MACO1: variants seen among roughly 807,000 people sequenced by gnomAD.
MACO1 encodes macoilin 1.
Under a neutral mutation model 78.7 loss-of-function variants are expected in MACO1, and 14 were observed. The observed-to-expected ratio is 0.18, with a 90% CI of 0.12 to 0.28. The LOEUF is 0.28. MACO1 is among the 10% of genes least tolerant of loss of function. The pLI, the probability that MACO1 is intolerant of heterozygous loss-of-function variation, is 1.00. For synonymous variants in MACO1, 288 were observed against 291.6 expected (o/e 0.99, Z 0.12); for missense variants, 501 against 799.0 (o/e 0.63, Z 4.50).
At chr1:25,461,085 A>G (rs1381564739) in intron 6 of MACO1, among the ~76,000 whole-genome samples, 3 of 151,996 alleles carry the variant, frequency 2.0e-5, no homozygotes, top group African/African-American at 7.2e-5. Flanking sequence ...ACTGGAAACC[A>G]TCATTCTCAG....
At chr1:25,497,893 C>T (rs754345404) in intron 10 of MACO1, among the ~76,000 whole-genome samples, 1 of 152,206 alleles carries the variant, frequency 6.6e-6, no homozygotes, top group Non-Finnish European at 1.5e-5. Context: ...TGGAAACTGA[C>T]TTCTTTACAT....
chr1:25,436,755 C>T (rs1448814412), intron 1 of MACO1, among the ~76,000 whole-genome samples: 4 of 152,106 alleles, frequency 2.6e-5, no homozygotes, highest in Admixed American at 6.5e-5. Context: ...GACATTTAAC[C>T]GACATCAAAT....
chr1:25,484,894 G>C (rs2043415649), intron 7 of MACO1, among the ~76,000 whole-genome samples: 1 of 152,092 alleles, frequency 6.6e-6, no homozygotes, highest in African/African-American at 2.4e-5. Context: ...ACATTTTTAA[G>C]GAATGTAACT....
chr1:25,447,894 C>T (rs1364200704), intron 2 of MACO1, among the ~76,000 whole-genome samples: 2 of 152,166 alleles, frequency 1.3e-5, no homozygotes, highest in African/African-American at 4.8e-5. Flanking sequence ...AAAACTATAA[C>T]TCCCACCCAG....
At chr1:25,479,918 T>C (rs1024274761) in intron 6 of MACO1, among the ~76,000 whole-genome samples, 1 of 152,152 alleles carries the variant, frequency 6.6e-6, no homozygotes, top group Non-Finnish European at 1.5e-5. Flanking sequence ...CAATATTAAA[T>C]ATATTTACAT....
At chr1:25,453,531 TG>T (rs2043087114) in intron 3 of MACO1, among the ~76,000 whole-genome samples, 1 of 150,730 alleles carries the variant, frequency 6.6e-6, no homozygotes, top group South Asian at 2.1e-4. Flanking sequence ...GTCGTGGTGG[TG>T]GGCGCCTATA....
In MACO1 at chr1:25,458,553, A is replaced by G; in HGVS notation, c.815A>G (p.Asn272Ser). Residue 272 changes from asparagine (N) to serine (S), a missense_variant, in exon 6 of 11, where the codon AAC becomes AGC. Physicochemically the swap from Asn to Ser is conservative, Grantham distance 46. Around this residue, in one of 5 missense-constraint regions of MACO1, gnomAD observed 90 missense variants for 85.7 expected, o/e 1.05. Coordinates refer to ENST00000374343, the MANE Select transcript of MACO1 (RefSeq NM_018202.6). ...DAKKHNLGIN[N>S]NNILQPVDSK... ...AAAAAACACAACCTTGGAATAAATA[A>G]CAACAATATTCTACAACCTGTAGAC... is the stretch of plus-strand genomic sequence containing the variant. 6.2e-7 allele frequency: 1 copy of G among 1,614,104 alleles called. No individual in the cohort carries two copies. The highest frequency in any genetic ancestry group is 8.5e-7 in the Non-Finnish European group (1 of 1,180,008).
At chr1:25,449,544 A>T (rs897501121) in intron 3 of MACO1, among the ~76,000 whole-genome samples, 1 of 150,830 alleles carries the variant, frequency 6.6e-6, no homozygotes, top group African/African-American at 2.4e-5. Context: ...AAAAATTTCT[A>T]TTTTTTTTTA....
At chr1:25,442,813 A>C (rs2042984167) in intron 1 of MACO1, among the ~76,000 whole-genome samples, 1 of 152,226 alleles carries the variant, frequency 6.6e-6, no homozygotes, top group Non-Finnish European at 1.5e-5. Flanking sequence ...TCGGAAGCTT[A>C]CAAGACCATC....
chr1:25,485,939 G>A lies in MACO1; in HGVS notation c.1496+144G>A. 1.2e-6 allele frequency: 1 copy of A among 868,844 alleles called. No homozygotes were observed. The allele number at this position is 868,844 out of a possible 1,614,324, so 53.8% of individuals were successfully genotyped here. A position where few individuals can be genotyped will look rare whatever the true frequency, so the allele number is the denominator to read the frequency against. Reference sequence around the variant, plus strand: ...CTTTTAAGTACTGTTTTATTAACTGGTTTAAACTCCATGTGTGCAAGCTTG... The same window carrying A: ...CTTTTAAGTACTGTTTTATTAACTGATTTAAACTCCATGTGTGCAAGCTTG... On this transcript the variant is annotated intron_variant, in intron 8 of 10. Coordinates refer to ENST00000374343, the MANE Select transcript of MACO1 (RefSeq NM_018202.6). The surrounding 1 kb of genome is among the most constrained non-coding windows in gnomAD (Gnocchi z 4.3).
In MACO1 at chr1:25,484,116, G is replaced by C. The variant is rs375573701; in HGVS notation, c.1155G>C (p.Arg385Ser). The C allele has an allele frequency of 9.3e-6, 15 of 1,607,726 alleles. No individual in the cohort carries two copies. The highest frequency in any genetic ancestry group is 3.4e-5 in the Admixed American group (2 of 58,426). The stretch of plus-strand genomic sequence containing the variant: ...AATGCTGCATTTCTCATTCTCCTAG[G>C]CTGGAACAAGACATTAAAAAGTTAA... ...NQLSKPDALV[R>S]LEQDIKKLKA... Residue 385 changes from arginine to serine, a missense_variant and splice_region_variant, in exon 7 of 11, where the codon AGG (arginine) becomes AGC (serine). Arg to Ser is a moderately radical substitution (Grantham distance 110). Transcript: ENST00000374343.
In MACO1 at chr1:25,450,632, A is replaced by G. The variant is rs116486792; in HGVS notation, c.349+1698A>G. ...CATGTAGAAGACACAGTTGAGCTGT[A>G]TTTTTTAAAGTATCTGCTATGAGCA... On this transcript the variant is annotated intron_variant, in intron 3 of 10. Transcript: ENST00000374343. Among the ~76,000 whole-genome samples, 235 of 152,318 alleles carry G rather than the reference A, an allele frequency of 1.5e-3. 1 individual carries two copies. The highest frequency in any genetic ancestry group is 5.5e-3 in the African/African-American group (227 of 41,576).
intron 5 of MACO1, among the ~76,000 whole-genome samples, chr1:25,457,375 G>T (rs964571746): frequency 1.3e-5 from 2 of 152,096 alleles, no homozygotes; most frequent in African/African-American, 2.4e-5. Flanking sequence ...ACCTTCTGAA[G>T]TGTAGGGATT....
intron 10 of MACO1, among the ~76,000 whole-genome samples, chr1:25,493,727 CTTT>C (rs1189775109): frequency 1.1e-5 from 1 of 92,062 alleles, no homozygotes; most frequent in Non-Finnish European, 2.1e-5. Context: ...TAGTTTGATT[CTTT>C]TTTTTTTTTT....
Position 25,489,187 on chromosome 1 carries a change from A to C in MACO1, c.1511A>C (p.Glu504Ala). 1.2e-6 allele frequency: 2 copies of C among 1,613,922 alleles called. No homozygotes were observed. The highest frequency in any genetic ancestry group is 1.7e-6 in the Non-Finnish European group (2 of 1,179,956). ...FAAASRGECT[E>A]TLRNRIRELE... ...TTTTTCAAAAGGGGAGAATGCACCG[A>C]AACCTTACGGAATCGGATCAGAGAA... Residue 504 changes from glutamate (E) to alanine (A), a missense_variant, in exon 9 of 11, where the codon GAA (glutamate) becomes GCA (alanine). Coordinates refer to ENST00000374343, the MANE Select transcript of MACO1 (RefSeq NM_018202.6).
chr1:25,456,950 C>G, intron 5 of MACO1, 119 bp downstream of exon 5: 1 of 985,380 alleles, frequency 1.0e-6, no homozygotes. Context: ...AATGGTGTTC[C>G]TCCTCAGGGT....
At chr1:25,487,090 C>G (rs2043440135) in intron 8 of MACO1, among the ~76,000 whole-genome samples, 1 of 152,156 alleles carries the variant, frequency 6.6e-6, no homozygotes, top group East Asian at 1.9e-4. Flanking sequence ...CCCCAAATCC[C>G]TTTTGCTTCC....
At position 25,499,941 on chromosome 1, in the gene MACO1, T is replaced by C. The variant is rs2043572197; in HGVS notation, c.*1475T>C. ...GATCTTATTTTGAGATTAAAAAAAATACTTCTAGCTTTAGCCAGGTGTGCA... is the reference window on the plus strand; with the variant it reads ...GATCTTATTTTGAGATTAAAAAAAACACTTCTAGCTTTAGCCAGGTGTGCA... On this transcript the variant is annotated 3_prime_UTR_variant, in exon 11 of 11. Transcript: ENST00000374343. 3 of 152,196 alleles carry C rather than the reference T, an allele frequency of 2.0e-5. No homozygotes were observed. Among genetic ancestry groups the C allele is most frequent in the African/African-American group, 7.2e-5 (3 of 41,446 alleles). 9.4% of individuals were successfully genotyped at this position (152,196 alleles called of 1,614,324 possible). A position where few individuals can be genotyped will look rare whatever the true frequency, so the allele number is the denominator to read the frequency against.
intron 2 of MACO1, among the ~76,000 whole-genome samples, chr1:25,447,131 C>A (rs1401846170): frequency 2.6e-5 from 4 of 152,132 alleles, no homozygotes; most frequent in Non-Finnish European, 5.9e-5. Context: ...ATTACTCAGG[C>A]TTTTGGAGGG....
Sources: gnomAD v4.1 joint callset for allele counts (sites outside exome capture counted in the v4.1 genomes callset) on GRCh38, gnomAD v4.1.1 for gene constraint, gnomAD v4.1.1 regional missense constraint, Gnocchi (gnomAD v3.1) non-coding constraint, MANE v1.5 for transcripts, NCBI Gene and HGNC (gene_info 2026-07-23, HGNC 2026-07-21) for gene names.